MTM1: variants seen among roughly 807,000 people sequenced by gnomAD.
MTM1 encodes the protein myotubularin 1.
In MTM1, 9 loss-of-function variants were observed where a neutral mutation model predicts 52.1. The ratio of observed to expected loss-of-function variants is 0.17; its 90% confidence interval spans 0.10 to 0.30. MTM1 has a LOEUF of 0.30. Among genes scored for constraint, MTM1 ranks in the 10% least tolerant of loss-of-function variants. MTM1 has a pLI of 1.00. For synonymous variants in MTM1, 136 were observed against 163.8 expected (o/e 0.83, Z 1.29); for missense variants, 277 against 470.7 (o/e 0.59, Z 3.81).
intron 6 of MTM1, among the ~76,000 whole-genome samples, chrX:150,625,238 G>A (rs889359296): frequency 8.9e-6 from 1 of 111,732 alleles, no homozygotes; most frequent in Non-Finnish European, 1.9e-5. Flanking sequence ...TCTCTACCCC[G>A]TTGGGGTTTT....
chrX:150,565,691 C>T (rs1251003725), upstream of MTM1, among the ~76,000 whole-genome samples: 1 of 111,687 alleles, frequency 9.0e-6, no homozygotes, highest in African/African-American at 3.3e-5. Context: ...CCTCCTGGTG[C>T]TGCCTAGCCT....
chrX:150,658,142 CTT>C (rs1378086398), intron 11 of MTM1, 115 bp downstream of exon 11: 13 of 642,397 alleles, frequency 2.0e-5, no homozygotes, highest in Non-Finnish European at 3.2e-5. Context: ...GTAATAAAAA[CTT>C]TACGCGTTTG....
Position 150,651,815 on chromosome X carries a change from A to G in MTM1, c.1053+1914A>G, listed in dbSNP as rs781874298. ...TGAGTGGAGCTTTGGGCCTGTTTGT[A>G]TTCAGGGCAGGAGGTGAGAAGTGGA... On this transcript the variant is annotated intron_variant, in intron 10 of 14. Coordinates refer to ENST00000370396, the MANE Select transcript of MTM1 (RefSeq NM_000252.3). Among the ~76,000 whole-genome samples, 6 of 111,393 alleles carry G rather than the reference A, an allele frequency of 5.4e-5. No individual in the cohort carries two copies. The South Asian group carries it at 2.3e-3, about 43-fold the overall frequency.
Position 150,583,703 on chromosome X carries a change from T to C in MTM1, c.-10-8902T>C, listed in dbSNP as rs1206088880. ...ATAATTTGTATATATTATTTATAAA[T>C]ATATAAATTATATATATTATATAAA... On this transcript the variant is annotated intron_variant, in intron 1 of 14. Transcript: ENST00000370396. Among the ~76,000 whole-genome samples the C allele has an allele frequency of 9.3e-5, 4 of 43,088 alleles. 1 individual carries two copies. The highest frequency in any genetic ancestry group is 3.7e-4 in the African/African-American group (4 of 10,950). 37.4% of individuals were successfully genotyped at this position (43,088 alleles called of 115,157 possible). A position where few individuals can be genotyped will look rare whatever the true frequency, so the allele number is the denominator to read the frequency against.
At chrX:150,580,799 C>T (rs1011057026) in intron 1 of MTM1, among the ~76,000 whole-genome samples, 1 of 111,777 alleles carries the variant, frequency 8.9e-6, no homozygotes, top group African/African-American at 3.3e-5. Context: ...TTGCATACTC[C>T]TTCTCTACTA....
chrX:150,666,283 C>A (rs1005673593), intron 14 of MTM1, among the ~76,000 whole-genome samples: 9 of 112,104 alleles, frequency 8.0e-5, no homozygotes, highest in Non-Finnish European at 1.5e-4. Context: ...TTTACCTGCT[C>A]TAAGTGGTTT....
chrX:150,634,919 A>G (rs1557413672), intron 6 of MTM1, among the ~76,000 whole-genome samples: 2 of 111,978 alleles, frequency 1.8e-5, no homozygotes, highest in Non-Finnish European at 3.8e-5. Flanking sequence ...ACCACACAGA[A>G]TCCTTAGGCT....
chrX:150,579,524 C>A (rs146747020), intron 1 of MTM1, among the ~76,000 whole-genome samples: 1,167 of 110,987 alleles, frequency 0.011, 15 homozygotes, highest in African/African-American at 0.036. Context: ...GAGACAGGGT[C>A]TTGTTCTGTT....
chrX:150,655,885 TTATAAAG>T (rs1413187239), intron 10 of MTM1, among the ~76,000 whole-genome samples: 1 of 112,038 alleles, frequency 8.9e-6, no homozygotes, highest in African/African-American at 3.2e-5. Context: ...ATTCCATTGT[TTATAAAG>T]TATGTTTCTG....
intron 3 of MTM1, 64 bp from the exon 4 acceptor site, chrX:150,598,528 G>A: frequency 3.1e-6 from 2 of 648,916 alleles, no homozygotes; most frequent in Non-Finnish European, 5.0e-6. Flanking sequence ...TTAAATTAGT[G>A]CCATTTGTTG....
chrX:150,568,895 G>A (rs1265860663), intron 1 of MTM1, among the ~76,000 whole-genome samples: 2 of 113,277 alleles, frequency 1.8e-5, no homozygotes, highest in Non-Finnish European at 3.8e-5. Flanking sequence ...CGTTCTCCCC[G>A]CCCAAGGTGG....
rs921415720 is a variant in MTM1 at position 150,642,422 on chromosome X, C to T, written c.678+1004C>T. Among the ~76,000 whole-genome samples the T allele has an allele frequency of 2.7e-5, 3 of 111,883 alleles. No homozygotes were observed. In the Admixed American group the frequency reaches 2.8e-4, roughly 11 times the overall value. ...TTCCACTATAGCACTACTATTTTAC[C>T]CATTAAAATTAATAAATGCTTTATG... On this transcript the variant is annotated intron_variant, in intron 8 of 14. Transcript: ENST00000370396.
chrX:150,633,368 T>G (rs1557413626), intron 6 of MTM1, among the ~76,000 whole-genome samples: 1 of 112,094 alleles, frequency 8.9e-6, no homozygotes, highest in African/African-American at 3.2e-5. Flanking sequence ...TTTGTCAGGT[T>G]TTTGGAATAA....
At chrX:150,584,393 G>T (rs1188941399) in intron 1 of MTM1, among the ~76,000 whole-genome samples, 2 of 110,896 alleles carry the variant, frequency 1.8e-5, no homozygotes, top group African/African-American at 3.3e-5. Flanking sequence ...ATTATTTAGG[G>T]ATGTATACAT....
chrX:150,581,971 G>A (rs1316064934), intron 1 of MTM1, among the ~76,000 whole-genome samples: 2 of 112,003 alleles, frequency 1.8e-5, no homozygotes, highest in African/African-American at 3.2e-5. Flanking sequence ...CAGATACTCT[G>A]TTTTGCTTTA....
intron 14 of MTM1, among the ~76,000 whole-genome samples, chrX:150,671,091 C>G (rs782416454): frequency 1.8e-5 from 2 of 111,670 alleles, no homozygotes; most frequent in Non-Finnish European, 3.8e-5. Context: ...AGAGTTGTCC[C>G]TCAGAGTGAA....
At chrX:150,640,504 G>A (rs1224186433) in intron 7 of MTM1, among the ~76,000 whole-genome samples, 4 of 111,698 alleles carry the variant, frequency 3.6e-5, no homozygotes, top group Non-Finnish European at 5.6e-5. Flanking sequence ...ACTTTTGTGT[G>A]TGTATCTGTG....
At chrX:150,618,661 A>G (rs1451456908) in intron 5 of MTM1, among the ~76,000 whole-genome samples, 2 of 111,796 alleles carry the variant, frequency 1.8e-5, no homozygotes, top group Non-Finnish European at 3.8e-5. Flanking sequence ...CTCAAAAACT[A>G]AATTAAATAA....
At chrX:150,621,505 A>G (rs2039480809) in intron 6 of MTM1, among the ~76,000 whole-genome samples, 1 of 107,787 alleles carries the variant, frequency 9.3e-6, no homozygotes, top group Non-Finnish European at 1.9e-5. Flanking sequence ...ATCATCCTCT[A>G]CCCCCCAAAA....
Sources: allele counts gnomAD v4.1 joint callset (sites outside exome capture counted in the v4.1 genomes callset), GRCh38; gene constraint gnomAD v4.1.1; transcripts MANE v1.5; gene names NCBI Gene and HGNC (gene_info 2026-07-23, HGNC 2026-07-21).